Variants in AK7 observed in about 807,000 individuals in gnomAD.
AK7 encodes ATP-AMP transphosphorylase 7.
AK7 carries 78 observed loss-of-function variants against 96.6 expected under a neutral mutation model. The observed-to-expected ratio is 0.81, with a 90% CI of 0.67 to 0.97. The LOEUF is 0.97. AK7 is among the 50% of genes least tolerant of loss of function. The probability of loss-of-function intolerance (pLI) is 0.00; values close to 1 mark genes in which losing one functional copy is unlikely to be tolerated. For synonymous variants in AK7, 302 were observed against 317.2 expected, an observed-to-expected ratio of 0.95 and a Z score of 0.51; for missense variants, 855 against 887.9, an observed-to-expected ratio of 0.96 and a Z score of 0.47.
intron 13 of AK7, among the ~76,000 whole-genome samples, chr14:96,472,020 C>T (rs1894923104): frequency 6.6e-6 from 1 of 152,154 alleles, no homozygotes; most frequent in South Asian, 2.1e-4. Context: ...CAGCCCCTGG[C>T]AACCACCATC....
intron 14 of AK7, among the ~76,000 whole-genome samples, chr14:96,477,450 C>A (rs1419403346): frequency 6.6e-6 from 1 of 152,208 alleles, no homozygotes; most frequent in African/African-American, 2.4e-5. Context: ...TAATAGATAG[C>A]AAGCTATTTG....
At chr14:96,428,457 A>G (rs1160192143) in intron 5 of AK7, among the ~76,000 whole-genome samples, 1 of 152,206 alleles carries the variant, frequency 6.6e-6, no homozygotes, top group African/African-American at 2.4e-5. Flanking sequence ...AGCATGATTT[A>G]TAATCCTTTG....
intron 6 of AK7, among the ~76,000 whole-genome samples, chr14:96,439,237 A>G (rs956803119): frequency 6.6e-6 from 1 of 151,942 alleles, no homozygotes; most frequent in Non-Finnish European, 1.5e-5. Context: ...GAATATGGAG[A>G]AGAGATAGGG....
Position 96,483,012 on chromosome 14 carries a change from T to TG in AK7, c.1768dup (p.Glu590GlyfsTer6). ...TGGTATTTAAAGATGTAGGAAAACTTGAAGATGCTCAGAATAGACTTGCTA... is the reference window on the plus strand; with the variant it reads ...TGGTATTTAAAGATGTAGGAAAACTTGGAAGATGCTCAGAATAGACTTGCTA... On this transcript the variant is annotated frameshift_variant, in exon 16 of 18. Transcript: ENST00000267584. LOFTEE classifies it high-confidence loss of function. 1 of 1,614,180 alleles carries TG rather than the reference T, an allele frequency of 6.2e-7. No individual in the cohort carries two copies. The highest frequency in any genetic ancestry group is 8.5e-7 in the Non-Finnish European group (1 of 1,180,028).
chr14:96,470,806 A>G (rs1456653709), intron 12 of AK7, among the ~76,000 whole-genome samples: 2 of 152,222 alleles, frequency 1.3e-5, no homozygotes, highest in Non-Finnish European at 2.9e-5. Flanking sequence ...AGAAGCATTT[A>G]TTATTGTATA....
intron 15 of AK7, among the ~76,000 whole-genome samples, chr14:96,482,201 C>T (rs1172492945): frequency 6.6e-6 from 1 of 151,978 alleles, no homozygotes; most frequent in Admixed American, 6.6e-5. Context: ...AGTTCAAGAT[C>T]AGCCTGGGCA....
intron 13 of AK7, among the ~76,000 whole-genome samples, chr14:96,472,016 CT>C (rs1329593207): frequency 6.6e-6 from 1 of 152,136 alleles, no homozygotes; most frequent in East Asian, 1.9e-4. Flanking sequence ...TCCCCAGCCC[CT>C]GGCAACCACC....
At chr14:96,394,858 C>A (rs568908582) in intron 1 of AK7, among the ~76,000 whole-genome samples, 48 of 152,254 alleles carry the variant, frequency 3.2e-4, no homozygotes, top group South Asian at 2.3e-3. Context: ...CGCCTGTAAT[C>A]CCAGCTACTC....
At chr14:96,430,645 G>A (rs1345076943) in intron 5 of AK7, among the ~76,000 whole-genome samples, 2 of 152,184 alleles carry the variant, frequency 1.3e-5, no homozygotes, top group Non-Finnish European at 2.9e-5. Context: ...GATCATGGTG[G>A]ATAAGCTTTT....
Position 96,458,674 on chromosome 14 carries a change from G to A in AK7, c.1357+462G>A, listed in dbSNP as rs534211990. ...GGACAATTGCTTGAACCTGGGAGGC[G>A]GAGGTTGCAGTGAGCCAAGTTCACG... On this transcript the variant is annotated intron_variant, in intron 12 of 17. Transcript: ENST00000267584. Among the ~76,000 whole-genome samples the A allele has an allele frequency of 9.2e-5, 14 of 151,370 alleles. No homozygotes were observed. In the South Asian group the frequency reaches 1.9e-3, roughly 20 times the overall value.
intron 5 of AK7, among the ~76,000 whole-genome samples, chr14:96,437,448 C>T (rs1248089010): frequency 1.3e-5 from 2 of 152,234 alleles, no homozygotes; most frequent in African/African-American, 4.8e-5. Context: ...ATGTGAATTT[C>T]CATCCTTGTG....
At chr14:96,473,464 CTTT>C (rs71462738) in intron 14 of AK7, among the ~76,000 whole-genome samples, 4 of 139,820 alleles carry the variant, frequency 2.9e-5, no homozygotes, top group Non-Finnish European at 4.7e-5. Context: ...TGCCCAGGCT[CTTT>C]TTTTTTTTTT....
At chr14:96,430,342 C>G (rs544527723) in intron 5 of AK7, among the ~76,000 whole-genome samples, 1 of 151,914 alleles carries the variant, frequency 6.6e-6, no homozygotes, top group African/African-American at 2.4e-5. Flanking sequence ...CCCGCCACTA[C>G]GCCTGGCTAA....
chr14:96,478,738 T>A (rs1474539989), intron 15 of AK7, 76 bp downstream of exon 15: 3 of 1,441,164 alleles, frequency 2.1e-6, no homozygotes, highest in Non-Finnish European at 2.9e-6. Flanking sequence ...GCTGTAATTG[T>A]GGGGCTGGGG....
chr14:96,477,488 C>T (rs1895251951), intron 14 of AK7, among the ~76,000 whole-genome samples: 1 of 152,186 alleles, frequency 6.6e-6, no homozygotes, highest in Non-Finnish European at 1.5e-5. Flanking sequence ...GATCTGGGCA[C>T]CAGTATACCC....
At chr14:96,411,320 G>T (rs915925196) in intron 4 of AK7, among the ~76,000 whole-genome samples, 2 of 152,124 alleles carry the variant, frequency 1.3e-5, no homozygotes, top group Non-Finnish European at 2.9e-5. Flanking sequence ...GAGCAGCCTG[G>T]TCAACATGGT....
At position 96,449,300 on chromosome 14, in the gene AK7, GTC is replaced by G. The variant is rs1258262396; in HGVS notation, c.871-496_871-495del. Among the ~76,000 whole-genome samples, 4 of 152,250 alleles carry G rather than the reference GTC, an allele frequency of 2.6e-5. No homozygotes were observed. The East Asian group carries it at 7.7e-4, about 29-fold the overall frequency. On this transcript the variant is annotated intron_variant, in intron 8 of 17. Transcript: ENST00000267584. The stretch of plus-strand genomic sequence containing the variant: ...ATGATAAATATCTGTGTACAGTTCT[GTC>G]TCTCTTTTCACACTGGGAGCTCTTG...
At chr14:96,471,871 C>T (rs942015692) in intron 13 of AK7, among the ~76,000 whole-genome samples, 28 of 151,824 alleles carry the variant, frequency 1.8e-4, no homozygotes, top group African/African-American at 6.5e-4. Flanking sequence ...GATCTGCCCT[C>T]GGAACAAGCT....
chr14:96,450,932 G>A (rs758330626), intron 9 of AK7, among the ~76,000 whole-genome samples: 11 of 151,856 alleles, frequency 7.2e-5, no homozygotes, highest in African/African-American at 9.7e-5. Flanking sequence ...CTGCCACCAC[G>A]CCCAGCTAAT....
Sources: allele counts gnomAD v4.1 joint callset (sites outside exome capture counted in the v4.1 genomes callset), GRCh38; gene constraint gnomAD v4.1.1; transcripts MANE v1.5; gene names NCBI Gene and HGNC (gene_info 2026-07-23, HGNC 2026-07-21).